PPP2R2C: variants seen among roughly 807,000 people sequenced by gnomAD.
PPP2R2C encodes the protein protein phosphatase 2 regulatory subunit Bgamma.
Under a neutral mutation model 45.3 loss-of-function variants are expected in PPP2R2C, and 10 were observed. The observed-to-expected ratio is 0.22, with a 90% CI of 0.14 to 0.37. PPP2R2C has a LOEUF of 0.37. PPP2R2C is among the 10% of genes least tolerant of loss of function. The pLI is 1.00. For missense variants in PPP2R2C, 308 were observed against 619.7 expected, an observed-to-expected ratio of 0.50 and a Z score of 5.34; for synonymous variants, 257 against 245.4, an observed-to-expected ratio of 1.05 and a Z score of -0.44.
At position 6,378,623 on chromosome 4, in the gene PPP2R2C, C is replaced by T. The variant is rs16838684; in HGVS notation, c.169-51G>A. ...CTGAGCACCGTGACCTGCAGGGCGA[C>T]GGCTAGGACCTCCGGGGACCCAGCA... On this transcript the variant is annotated intron_variant, in intron 2 of 8. Transcript: ENST00000382599. The surrounding 1 kb of genome is among the most constrained non-coding windows in gnomAD (Gnocchi z 5.2). 1.6e-3 allele frequency: 2,451 copies of T among 1,568,666 alleles called. 27 individuals are homozygous for T. In the African/African-American group the frequency reaches 0.03, roughly 19 times the overall value.
In PPP2R2C at chr4:6,528,130, G is replaced by A. The variant is rs77271172; in HGVS notation, c.49+7141C>T. Reference sequence around the variant, plus strand: ...GTTACGGGCTGTGAAACTGGCCCGTGTTTTCAGGCTGCTGCCTGCCCTGTA... The same window carrying A: ...GTTACGGGCTGTGAAACTGGCCCGTATTTTCAGGCTGCTGCCTGCCCTGTA... On this transcript the variant is annotated intron_variant, in intron 2 of 9. Transcript: ENST00000506140. 5.3e-3 allele frequency among the ~76,000 whole-genome samples: 815 copies of A among 152,366 alleles called. 8 individuals carry two copies. Among genetic ancestry groups the A allele is most frequent in the African/African-American group, 0.019 (780 of 41,590 alleles).
At chr4:6,530,912 C>A (rs1724375379) in intron 2 of PPP2R2C, among the ~76,000 whole-genome samples, 3 of 152,194 alleles carry the variant, frequency 2.0e-5, no homozygotes, top group Admixed American at 1.3e-4. Flanking sequence ...CACAGTGAGG[C>A]CCCAAATGTT....
At chr4:6,457,221 A>C (rs1353863919) in intron 1 of PPP2R2C, among the ~76,000 whole-genome samples, 1 of 151,806 alleles carries the variant, frequency 6.6e-6, no homozygotes, top group Non-Finnish European at 1.5e-5. Flanking sequence ...AAAAAAAAAA[A>C]AAAAAATAGA....
chr4:6,414,219 G>A (rs989875120), intron 1 of PPP2R2C, among the ~76,000 whole-genome samples: 25 of 148,740 alleles, frequency 1.7e-4, no homozygotes, highest in Admixed American at 3.4e-4. Flanking sequence ...TAGAACTGGC[G>A]TGAGCTGGTA....
intron 1 of PPP2R2C, among the ~76,000 whole-genome samples, chr4:6,444,592 C>T (rs1480767483): frequency 6.6e-6 from 1 of 152,164 alleles, no homozygotes; most frequent in Non-Finnish European, 1.5e-5. Context: ...TTTTTCCCTA[C>T]CCCACCACTT....
Position 6,330,648 on chromosome 4 carries a change from C to T in PPP2R2C, c.961-1295G>A, listed in dbSNP as rs1176240190. Among the ~76,000 whole-genome samples, 2 of 152,122 alleles carry T rather than the reference C, an allele frequency of 1.3e-5. No homozygotes were observed. Among genetic ancestry groups the T allele is most frequent in the Admixed American group, 1.3e-4 (2 of 15,272 alleles). On this transcript the variant is annotated intron_variant, in intron 7 of 8. Coordinates refer to ENST00000382599, the MANE Select transcript of PPP2R2C (RefSeq NM_020416.4). This position sits in a 1 kb window ranked among gnomAD's most constrained non-coding sequence, Gnocchi z 7.0. ...TGCTCTGCAGATTTAGAACATGCCACGTGAGCTAATTCCTTCAAATCTCCC... is the reference window on the plus strand; with the variant it reads ...TGCTCTGCAGATTTAGAACATGCCATGTGAGCTAATTCCTTCAAATCTCCC...
At position 6,329,202 on chromosome 4, in the gene PPP2R2C, C is replaced by G. The variant is rs1400610148; in HGVS notation, c.1052+60G>C. The G allele has an allele frequency of 2.0e-6, 3 of 1,515,648 alleles. No individual in the cohort carries two copies. Among genetic ancestry groups the G allele is most frequent in the Admixed American group, 1.7e-5 (1 of 58,118 alleles). The allele number at this position is 1,515,648 out of a possible 1,614,324, so 93.9% of individuals were successfully genotyped here. A position where few individuals can be genotyped will look rare whatever the true frequency, so the allele number is the denominator to read the frequency against. On this transcript the variant is annotated intron_variant, in intron 8 of 8. Transcript: ENST00000382599. The surrounding 1 kb of genome is among the most constrained non-coding windows in gnomAD (Gnocchi z 5.8). ...GGTCACCGGAATCCCAGCCCAGACC[C>G]CTGCAGGGCAGAAACCCTCCCTACG...
chr4:6,463,867 CT>C (rs1476365576), intron 1 of PPP2R2C, among the ~76,000 whole-genome samples: 19 of 152,348 alleles, frequency 1.2e-4, no homozygotes, highest in African/African-American at 4.3e-4. Flanking sequence ...TCTCGATTGC[CT>C]TTCATCGCAA....
intron 1 of PPP2R2C, among the ~76,000 whole-genome samples, chr4:6,561,950 G>T (rs537320471): frequency 9.2e-5 from 14 of 152,320 alleles, no homozygotes; most frequent in African/African-American, 3.4e-4. Context: ...GAGAAGCTGC[G>T]ATTTGCCAAG....
At chr4:6,445,659 C>G (rs1720381511) in intron 1 of PPP2R2C, among the ~76,000 whole-genome samples, 1 of 152,196 alleles carries the variant, frequency 6.6e-6, no homozygotes, top group South Asian at 2.1e-4. Flanking sequence ...TTTGAGGCTG[C>G]AGTGAGCTAT....
At chr4:6,420,769 A>AGTTGG in intron 1 of PPP2R2C, among the ~76,000 whole-genome samples, 1 of 152,322 alleles carries the variant, frequency 6.6e-6, no homozygotes, top group Admixed American at 6.5e-5. Flanking sequence ...GGAGCCATAG[A>AGTTGG]GTTGGAAACC....
Position 6,329,978 on chromosome 4 carries a change from C to T in PPP2R2C, c.961-625G>A, listed in dbSNP as rs115729331. ...AATGATCTCCGAGAACACAGGGTGG[C>T]GGCCATCAAGAAAGGGGAAGAGGGA... is the stretch of plus-strand genomic sequence containing the variant. On this transcript the variant is annotated intron_variant, in intron 7 of 8. Transcript: ENST00000382599. This position sits in a 1 kb window ranked among gnomAD's most constrained non-coding sequence, Gnocchi z 5.8. Among the ~76,000 whole-genome samples the T allele has an allele frequency of 8.5e-5, 13 of 152,198 alleles. No individual in the cohort carries two copies. Among genetic ancestry groups the T allele is most frequent in the South Asian group, 8.3e-4 (4 of 4,802 alleles).
rs544417731 is a variant in PPP2R2C at position 6,513,406 on chromosome 4, C to T, written c.49+21865G>A. 8.1e-4 allele frequency among the ~76,000 whole-genome samples: 123 copies of T among 152,212 alleles called. 1 individual carries two copies. Among genetic ancestry groups the T allele is most frequent in the African/African-American group, 2.8e-3 (116 of 41,524 alleles). On this transcript the variant is annotated intron_variant, in intron 2 of 9. Transcript: ENST00000506140. Reference sequence around the variant, plus strand: ...TGGTCTCTGGGCAGAGGCAGAGAGACAGTGTGTGTCTGGGGAGCCCCAGAG... The same window carrying T: ...TGGTCTCTGGGCAGAGGCAGAGAGATAGTGTGTGTCTGGGGAGCCCCAGAG...
At chr4:6,538,321 T>C (rs1002581213) in intron 1 of PPP2R2C, among the ~76,000 whole-genome samples, 2 of 152,024 alleles carry the variant, frequency 1.3e-5, no homozygotes, top group African/African-American at 4.8e-5. Context: ...GGACGCTTCC[T>C]CGGGGTACAG....
intron 1 of PPP2R2C, among the ~76,000 whole-genome samples, chr4:6,400,268 C>A (rs1038930498): frequency 1.3e-5 from 2 of 152,166 alleles, no homozygotes; most frequent in African/African-American, 4.8e-5. Flanking sequence ...AGAATCCAAC[C>A]ATCATCTATT....
chr4:6,401,759 G>A (rs1717422949), intron 1 of PPP2R2C, among the ~76,000 whole-genome samples: 1 of 152,126 alleles, frequency 6.6e-6, no homozygotes, highest in Non-Finnish European at 1.5e-5. Flanking sequence ...ACTCACAGAG[G>A]AAAGTCACAA....
chr4:6,553,234 C>T (rs955344377), intron 1 of PPP2R2C, among the ~76,000 whole-genome samples: 2 of 152,222 alleles, frequency 1.3e-5, no homozygotes, highest in Non-Finnish European at 2.9e-5. Flanking sequence ...CTCCCTCCTG[C>T]CCTGCAAGCT....
intron 2 of PPP2R2C, among the ~76,000 whole-genome samples, chr4:6,499,337 C>G (rs1265285467): frequency 6.6e-6 from 1 of 152,138 alleles, no homozygotes; most frequent in Non-Finnish European, 1.5e-5. Context: ...CACTGTGGAG[C>G]GCAACCCTGC....
chr4:6,336,653 CTCCCTCCCTCCCTGCTTCCA>C (rs1732893744), intron 6 of PPP2R2C, among the ~76,000 whole-genome samples: 1 of 13,604 alleles, frequency 7.4e-5, no homozygotes, highest in Non-Finnish European at 1.5e-4. Context: ...CCCTCCCTCC[CTCCCTCCCTCCCTGCTTCCA>C]TCCCTCCCTC....
Sources: allele counts gnomAD v4.1 joint callset (sites outside exome capture counted in the v4.1 genomes callset), GRCh38; gene constraint gnomAD v4.1.1; non-coding constraint Gnocchi (gnomAD v3.1); transcripts MANE v1.5; gene names NCBI Gene and HGNC (gene_info 2026-07-23, HGNC 2026-07-21).